The following MTR variants were observed in gnomAD, a reference collection of about 807,000 sequenced individuals.
MTR encodes the protein methionine synthase.
A neutral mutation model predicts 154.8 loss-of-function variants in MTR; 84 were observed. The observed-to-expected ratio is 0.54, with a 90% CI of 0.45 to 0.65. The LOEUF is 0.65. Among genes scored for constraint, MTR ranks in the 30% least tolerant of loss-of-function variants. The pLI is 0.00. For missense variants in MTR, 1,275 were observed against 1,570.2 expected (o/e 0.81, Z 3.18); for synonymous variants, 554 against 553.9 (o/e 1.00, Z 0.00).
At chr1:236,850,695 T>G (rs941594594) in intron 16 of MTR, among the ~76,000 whole-genome samples, 172 bp downstream of exon 16, 1 of 152,164 alleles carries the variant, frequency 6.6e-6, no homozygotes, top group African/African-American at 2.4e-5. Flanking sequence ...TAGTAGAGTT[T>G]TAACTTGTGT....
intron 15 of MTR, among the ~76,000 whole-genome samples, chr1:236,839,409 A>G (rs1663101258): frequency 1.3e-5 from 2 of 152,234 alleles, no homozygotes; most frequent in African/African-American, 4.8e-5. Context: ...TAGCCAATAA[A>G]CTTATGAGAA....
At chr1:236,880,387 T>C (rs185395491) in intron 24 of MTR, among the ~76,000 whole-genome samples, 1 of 152,256 alleles carries the variant, frequency 6.6e-6, no homozygotes, top group East Asian at 1.9e-4. Context: ...CCAGCTCATT[T>C]GGAGGAGGGA....
chr1:236,844,438 G>A (rs1214532000), intron 15 of MTR, among the ~76,000 whole-genome samples: 4 of 149,888 alleles, frequency 2.7e-5, no homozygotes, highest in Non-Finnish European at 4.4e-5. Flanking sequence ...GGGGAAATAC[G>A]AGGTTCAGAA....
rs147410975 is a variant in MTR at position 236,853,094 on chromosome 1, G to C, written c.1953+6G>C. Reference sequence around the variant, plus strand: ...AGCTCTTACGTTATGCCCAGGTAGAGAGACAAGTGTTCTAATAGATGGATT... The same window carrying C: ...AGCTCTTACGTTATGCCCAGGTAGACAGACAAGTGTTCTAATAGATGGATT... On this transcript the variant is annotated splice_donor_region_variant and intron_variant, in intron 18 of 32. Coordinates refer to ENST00000366577, the MANE Select transcript of MTR (RefSeq NM_000254.3). 5.9e-5 allele frequency: 96 copies of C among 1,613,900 alleles called. No individual in the cohort carries two copies. In the African/African-American group the frequency reaches 1.1e-3, roughly 18 times the overall value.
chr1:236,881,222 C>T (rs528797388), intron 25 of MTR, among the ~76,000 whole-genome samples: 1 of 152,208 alleles, frequency 6.6e-6, no homozygotes, highest in East Asian at 1.9e-4. Flanking sequence ...CAAAAGTGTC[C>T]TAGTTGACCC....
chr1:236,880,940 T>C, intron 25 of MTR, 104 bp downstream of exon 25: 1 of 1,199,228 alleles, frequency 8.3e-7, no homozygotes, highest in Non-Finnish European at 1.2e-6. Flanking sequence ...TTCTACTAAA[T>C]AAAGGTCAAA....
chr1:236,803,719 A>C, intron 2 of MTR, 77 bp downstream of exon 2: 1 of 1,384,114 alleles, frequency 7.2e-7, no homozygotes, highest in South Asian at 1.2e-5. Flanking sequence ...GCAGGCTGCT[A>C]TGCCGAGTGC....
At chr1:236,842,134 G>A (rs1276939613) in intron 15 of MTR, among the ~76,000 whole-genome samples, 5 of 152,080 alleles carry the variant, frequency 3.3e-5, no homozygotes, top group Admixed American at 2.0e-4. Context: ...CTCGTGATCC[G>A]CCCGCCTCGG....
rs750397865 is a variant in MTR at position 236,903,243 on chromosome 1, G to A, written c.*5599G>A. ...GGAACTCATGGTTTGGCTATTTCTC[G>A]TTCTTTCTGCACTGTTTCAAATTTT... On this transcript the variant is annotated 3_prime_UTR_variant, in exon 33 of 33. Coordinates refer to ENST00000366577, the MANE Select transcript of MTR (RefSeq NM_000254.3). 12 of 152,204 alleles carry A rather than the reference G, an allele frequency of 7.9e-5. No homozygotes were observed. The highest frequency in any genetic ancestry group is 1.2e-4 in the Non-Finnish European group (8 of 68,028). 9.4% of individuals were successfully genotyped at this position (152,204 alleles called of 1,614,324 possible). A position where few individuals can be genotyped will look rare whatever the true frequency, so the allele number is the denominator to read the frequency against.
At chr1:236,799,583 A>G (rs987794285) in intron 1 of MTR, among the ~76,000 whole-genome samples, 5 of 152,026 alleles carry the variant, frequency 3.3e-5, no homozygotes, top group Non-Finnish European at 5.9e-5. Context: ...ATATTTATAC[A>G]TTTTGTTGTA....
At chr1:236,859,775 T>C in intron 18 of MTR, 58 bp from the exon 19 acceptor site, 1 of 1,347,590 alleles carries the variant, frequency 7.4e-7, no homozygotes, top group Non-Finnish European at 1.1e-6. Context: ...TGTTTTGCCA[T>C]CAAACAGTTT....
chr1:236,872,379 A>G lies in MTR; in HGVS notation c.2406-1394A>G, dbSNP rs140908240. On this transcript the variant is annotated intron_variant, in intron 22 of 32. Transcript: ENST00000366577. The stretch of plus-strand genomic sequence containing the variant: ...CCCTCGGTGACCTGCACCCTGAATC[A>G]CTCTCCCTCTTTTTCTTGCGTTAAG... 3.5e-3 allele frequency among the ~76,000 whole-genome samples: 531 copies of G among 150,406 alleles called. 4 individuals are homozygous for G. The highest frequency in any genetic ancestry group is 4.8e-3 in the Non-Finnish European group (326 of 67,622).
At position 236,824,150 on chromosome 1, in the gene MTR, G is replaced by A; in HGVS notation, c.796G>A (p.Glu266Lys). The A allele has an allele frequency of 6.2e-7, 1 of 1,614,058 alleles. No homozygotes were observed. The highest frequency in any genetic ancestry group is 8.5e-7 in the Non-Finnish European group (1 of 1,179,982). The change falls in exon 9 of 33, where the codon GAA becomes AAA. Residue 266 changes from glutamate to lysine, a missense_variant. Physicochemically the swap from Glu to Lys is moderately conservative, Grantham distance 56. Coordinates refer to ENST00000366577, the MANE Select transcript of MTR (RefSeq NM_000254.3). ...ATTAAATTGTGCTTTGGGTGCAGCTGAAATGAGACCTTTTATTGAAATAAT... is the reference window on the plus strand; with the variant it reads ...ATTAAATTGTGCTTTGGGTGCAGCTAAAATGAGACCTTTTATTGAAATAAT... The part of the protein sequence containing the change: ...IGLNCALGAA[E>K]MRPFIEIIGK...
chr1:236,825,165 T>G (rs1377371851), intron 9 of MTR, among the ~76,000 whole-genome samples, 173 bp from the exon 10 acceptor site: 2 of 151,172 alleles, frequency 1.3e-5, no homozygotes, highest in Non-Finnish European at 2.9e-5. Flanking sequence ...TTTTAGTTTT[T>G]TGGGGGGTGT....
At chr1:236,818,024 CTT>C (rs1441454922) in intron 8 of MTR, among the ~76,000 whole-genome samples, 1 of 152,104 alleles carries the variant, frequency 6.6e-6, no homozygotes, top group African/African-American at 2.4e-5. Context: ...TGAAGACAAA[CTT>C]TATCTAGTTT....
At chr1:236,863,767 G>A (rs1664681829) in intron 22 of MTR, among the ~76,000 whole-genome samples, 1 of 152,172 alleles carries the variant, frequency 6.6e-6, no homozygotes. Flanking sequence ...GTTCAAAAAG[G>A]ACATAAAGAA....
rs766371534 is a variant in MTR at position 236,825,373 on chromosome 1, C to G, written c.901C>G (p.Pro301Ala). Residue 301 changes from proline (P) to alanine (A), a missense_variant, in exon 10 of 33, where the codon CCT becomes GCT. Transcript: ENST00000366577. Reference protein sequence around the residue: ...PNTFGDYDETPSMMAKHLKDF... With the variant: ...PNTFGDYDETASMMAKHLKDF... ...CACCTTTGGTGACTATGATGAAACG[C>G]CTTCTATGATGGCCAAGCACCTAAA... 83 of 1,613,634 alleles carry G rather than the reference C, an allele frequency of 5.1e-5. No homozygotes were observed. Among genetic ancestry groups the G allele is most frequent in the Non-Finnish European group, 7.0e-5 (82 of 1,179,762 alleles).
intron 6 of MTR, 77 bp from the exon 7 acceptor site, chr1:236,815,526 TG>T (rs1287742484): frequency 2.2e-5 from 31 of 1,381,072 alleles, no homozygotes; most frequent in Admixed American, 6.7e-5. Flanking sequence ...TAGAAAAGGG[TG>T]CATTCTAATC....
intron 20 of MTR, among the ~76,000 whole-genome samples, chr1:236,861,827 G>T (rs573612420): frequency 1.3e-5 from 2 of 152,282 alleles, no homozygotes; most frequent in African/African-American, 4.8e-5. Flanking sequence ...CCTTCATCTT[G>T]CCTTAATGTA....
Sources: allele counts gnomAD v4.1 joint callset (sites outside exome capture counted in the v4.1 genomes callset), GRCh38; gene constraint gnomAD v4.1.1; transcripts MANE v1.5; gene names NCBI Gene and HGNC (gene_info 2026-07-23, HGNC 2026-07-21).